The following FLNC variants were observed in gnomAD, a reference collection of about 807,000 sequenced individuals.
FLNC encodes filamin C, also known as filamin-C.
FLNC carries 91 observed loss-of-function variants against 254.3 expected under a neutral mutation model. The ratio of observed to expected loss-of-function variants is 0.36; its 90% CI spans 0.30 to 0.43. The LOEUF is 0.43. Ranked by LOEUF, FLNC falls within the 20% of genes least tolerant of loss-of-function variation. The pLI is 1.00. For synonymous variants in FLNC, 1,430 were observed against 1,577.2 expected, an observed-to-expected ratio of 0.91 and a Z score of 2.21; for missense variants, 2,853 against 3,802.6, an observed-to-expected ratio of 0.75 and a Z score of 6.57.
At position 128,840,950 on chromosome 7, in the gene FLNC, G is replaced by A; in HGVS notation, c.1793G>A (p.Gly598Asp). 6.2e-7 allele frequency: 1 copy of A among 1,601,326 alleles called. No homozygotes were observed. Among genetic ancestry groups the A allele is most frequent in the East Asian group, 2.3e-5 (1 of 44,218 alleles). Residue 598 changes from glycine (G) to aspartate (D), a missense_variant, in exon 11 of 48, where the codon GGC becomes GAC. Physicochemically the swap from Gly to Asp is moderately conservative, Grantham distance 94 (BLOSUM62 -1). Transcript: ENST00000325888. Reference protein sequence around the residue: ...KSADFVVEAIGTEVGTLGFSI... With the variant: ...KSADFVVEAIDTEVGTLGFSI... ...GCCGATTTTGTGGTGGAAGCCATTG[G>A]CACCGAGGTGGGGACACTGGGTAAG...
intron 21 of FLNC, 133 bp from the exon 22 acceptor site, chr7:128,845,857 G>A: frequency 1.3e-6 from 1 of 793,088 alleles, no homozygotes; most frequent in Non-Finnish European, 2.1e-6. Context: ...AGGAGGGGGA[G>A]AGGAGGGTGA....
chr7:128,840,519 T>C, intron 9 of FLNC, 29 bp from the exon 10 acceptor site: 26 of 1,614,070 alleles, frequency 1.6e-5, no homozygotes, highest in Non-Finnish European at 2.2e-5. Flanking sequence ...TGATCTGCCT[T>C]CTTCCCCACC....
In FLNC at chr7:128,838,079, G is replaced by A. The variant is rs767191424; in HGVS notation, c.1047+15G>A. On this transcript the variant is annotated intron_variant, in intron 6 of 47. Transcript: ENST00000325888. ...GGTTACACAAGGTATCTCCCTCTAGGCCCCCCTGCCTGCGCTGCTCTTCAC... is the reference window on the plus strand; with the variant it reads ...GGTTACACAAGGTATCTCCCTCTAGACCCCCCTGCCTGCGCTGCTCTTCAC... The A allele has an allele frequency of 1.2e-6, 2 of 1,605,810 alleles. No homozygotes were observed. The highest frequency in any genetic ancestry group is 2.7e-5 in the African/African-American group (2 of 74,594).
At chr7:128,840,215 T>C in intron 9 of FLNC, 55 bp downstream of exon 9, 1 of 1,601,672 alleles carries the variant, frequency 6.2e-7, no homozygotes, top group Non-Finnish European at 8.5e-7. Context: ...ATAAGGGAAG[T>C]ATGGCCAGTG....
intron 42 of FLNC, 107 bp downstream of exon 42, chr7:128,855,019 C>T (rs992728979): frequency 4.5e-5 from 57 of 1,276,232 alleles, no homozygotes; most frequent in African/African-American, 5.9e-5. Context: ...CTCCCCTCCC[C>T]GGAGCCCCCT....
chr7:128,842,610 A>G lies in FLNC; in HGVS notation c.2301A>G (p.Val767=). The G allele has an allele frequency of 6.5e-7, 1 of 1,550,154 alleles. No individual in the cohort carries two copies. Among genetic ancestry groups the G allele is most frequent in the Middle Eastern group, 2.0e-4 (1 of 5,078 alleles). ...NVGEGSHPER[V]KVYGPGVEKT... ...GCGAGGGCAGCCACCCCGAGCGGGTAAAGGTGTACGGCCCCGGAGTGGAGA... is the reference window on the plus strand; with the variant it reads ...GCGAGGGCAGCCACCCCGAGCGGGTGAAGGTGTACGGCCCCGGAGTGGAGA... The change falls in exon 15 of 48, where the codon GTA becomes GTG. Residue 767 remains valine, a synonymous_variant. Transcript: ENST00000325888. The surrounding 1 kb of genome is among the most constrained non-coding windows in gnomAD (Gnocchi z 5.4).
In FLNC at chr7:128,841,130, C is replaced by G. The variant is rs771186150; in HGVS notation, c.1814-40C>G. On this transcript the variant is annotated intron_variant, in intron 11 of 47. Coordinates refer to ENST00000325888, the MANE Select transcript of FLNC (RefSeq NM_001458.5). This position sits in a 1 kb window ranked among gnomAD's most constrained non-coding sequence, Gnocchi z 4.3. Reference sequence around the variant, plus strand: ...GGAGCTGGGGGACGGAAGGGTCTTGCCTGATGCTGGATCCCCGACCCTCCC... The same window carrying G: ...GGAGCTGGGGGACGGAAGGGTCTTGGCTGATGCTGGATCCCCGACCCTCCC... The G allele has an allele frequency of 3.6e-5, 58 of 1,605,666 alleles. No individual in the cohort carries two copies. Among genetic ancestry groups the G allele is most frequent in the Non-Finnish European group, 4.8e-5 (56 of 1,174,816 alleles).
intron 8 of FLNC, among the ~76,000 whole-genome samples, chr7:128,839,229 C>T (rs973560410): frequency 6.6e-6 from 1 of 152,226 alleles, no homozygotes; most frequent in African/African-American, 2.4e-5. Context: ...TGGCCCGGGC[C>T]GTGTGGAATC....
At chr7:128,848,766 G>A (rs368595084) in intron 27 of FLNC, 27 bp from the exon 28 acceptor site, 19 of 1,613,994 alleles carry the variant, frequency 1.2e-5, no homozygotes, top group Non-Finnish European at 1.4e-5. Context: ...AGGCACAGGC[G>A]GGCCTTGACC....
intron 30 of FLNC, 45 bp downstream of exon 30, chr7:128,849,623 G>T (rs776531308): frequency 1.2e-6 from 2 of 1,605,034 alleles, no homozygotes; most frequent in South Asian, 1.1e-5. Flanking sequence ...GGGGAGGGGG[G>T]CCTGGCCCTT....
rs370745643 is a variant in FLNC at position 128,853,648 on chromosome 7, C to T, written c.6361+27C>T. 1.1e-4 allele frequency: 170 copies of T among 1,614,028 alleles called. 1 individual carries two copies. In the African/African-American group the frequency reaches 1.9e-3, roughly 18 times the overall value. ...TAAGGCTCTGGGCAGAGGTCGGTGG[C>T]GAGAGACAGGGAGGCCAGGAGGCTG... On this transcript the variant is annotated intron_variant, in intron 38 of 47. Coordinates refer to ENST00000325888, the MANE Select transcript of FLNC (RefSeq NM_001458.5).
At position 128,844,212 on chromosome 7, in the gene FLNC, G is replaced by T; in HGVS notation, c.3138G>T (p.Pro1046=). The T allele has an allele frequency of 6.2e-7, 1 of 1,612,202 alleles. No individual in the cohort carries two copies. Among genetic ancestry groups the T allele is most frequent in the South Asian group, 1.1e-5 (1 of 90,966 alleles). ...YKVDITYDGH[P]VPGSPFAVEG... Reference sequence around the variant, plus strand: ...TGGATATCACCTACGATGGTCACCCGGTGCCTGGCAGCCCGTTTGCTGTGG... The same window carrying T: ...TGGATATCACCTACGATGGTCACCCTGTGCCTGGCAGCCCGTTTGCTGTGG... The change falls in exon 20 of 48, where the codon CCG becomes CCT. Residue 1046 remains proline (P), a synonymous_variant. Coordinates refer to ENST00000325888, the MANE Select transcript of FLNC (RefSeq NM_001458.5).
intron 1 of FLNC, among the ~76,000 whole-genome samples, chr7:128,832,229 C>T (rs1455287298): frequency 2.6e-5 from 4 of 152,168 alleles, no homozygotes; most frequent in Non-Finnish European, 5.9e-5. Flanking sequence ...CCCCCCCACC[C>T]CACCCGCCTG....
In FLNC at chr7:128,844,580, G is replaced by T. The variant is rs530822875; in HGVS notation, c.3193-78G>T. On this transcript the variant is annotated intron_variant, in intron 20 of 47. Transcript: ENST00000325888. ...CACAGTAGCAGCCACAGTTGGAGGT[G>T]ATGAGTTGGGTGGGGGCCATGAAGG... is the stretch of plus-strand genomic sequence containing the variant. 8.4e-6 allele frequency: 11 copies of T among 1,309,694 alleles called. No homozygotes were observed. The South Asian group carries it at 1.1e-4, about 13-fold the overall frequency. The allele number at this position is 1,309,694 out of a possible 1,614,324, so 81.1% of individuals were successfully genotyped here.
rs1366093926 is a variant in FLNC, at chr7:128,853,477, G to A, written c.6217G>A (p.Gly2073Ser). Reference sequence around the variant, plus strand: ...TCCTTGCTTTCCCCCAGGTTATGGGGGCTTGGGGCTGAGTATTGAAGGCCC... The same window carrying A: ...TCCTTGCTTTCCCCCAGGTTATGGGAGCTTGGGGCTGAGTATTGAAGGCCC... ...IVDTRNAGYGGLGLSIEGPSK... is the reference protein window; with the variant it reads ...IVDTRNAGYGSLGLSIEGPSK... The change falls in exon 38 of 48, where the codon GGC (glycine) becomes AGC (serine). Residue 2073 changes from glycine to serine, a missense_variant. By Grantham distance (56) the Gly-to-Ser change is moderately conservative. Coordinates refer to ENST00000325888, the MANE Select transcript of FLNC (RefSeq NM_001458.5). The A allele has an allele frequency of 6.2e-7, 1 of 1,613,978 alleles. No homozygotes were observed. The highest frequency in any genetic ancestry group is 8.5e-7 in the Non-Finnish European group (1 of 1,180,008).
In FLNC at chr7:128,843,770, T is replaced by C. The variant is rs1211344281; in HGVS notation, c.2812-26T>C. 3 of 1,603,174 alleles carry C rather than the reference T, an allele frequency of 1.9e-6. No homozygotes were observed. The Admixed American group carries it at 5.0e-5, about 27-fold the overall frequency. Reference sequence around the variant, plus strand: ...TTGTAGGACCTTGCCTTATATCCAGTTCTGACCTACCATTGTACCCAACAG... The same window carrying C: ...TTGTAGGACCTTGCCTTATATCCAGCTCTGACCTACCATTGTACCCAACAG... On this transcript the variant is annotated intron_variant, in intron 18 of 47. Transcript: ENST00000325888.
Position 128,858,597 on chromosome 7 carries a change from AC to A in FLNC, c.*75del. 2 of 1,044,360 alleles carry A rather than the reference AC, an allele frequency of 1.9e-6. No homozygotes were observed. The highest frequency in any genetic ancestry group is 2.9e-6 in the Non-Finnish European group (2 of 679,104). The allele number at this position is 1,044,360 out of a possible 1,614,324, so 64.7% of individuals were successfully genotyped here. ...ACATTACACACACACACACACACAC[AC>A]AAATGTGCCACACCCAGACACGCAC... On this transcript the variant is annotated 3_prime_UTR_variant, in exon 48 of 48. Transcript: ENST00000325888. The surrounding 1 kb of genome is among the most constrained non-coding windows in gnomAD (Gnocchi z 6.7).
rs766859594 is a variant in FLNC at position 128,841,451 on chromosome 7, C to T, written c.2008-3C>T. 2.5e-6 allele frequency: 4 copies of T among 1,613,668 alleles called. No individual in the cohort carries two copies. Among genetic ancestry groups the T allele is most frequent in the Admixed American group, 3.3e-5 (2 of 60,036 alleles). On this transcript the variant is annotated splice_polypyrimidine_tract_variant and splice_region_variant and intron_variant, in intron 12 of 47. Coordinates refer to ENST00000325888, the MANE Select transcript of FLNC (RefSeq NM_001458.5). This position sits in a 1 kb window ranked among gnomAD's most constrained non-coding sequence, Gnocchi z 4.3. ...CCAACTCAGCCTTCTTCCCTCCGCA[C>T]AGGTGAAGGCCTTTGGGCCTGGCCT...
At position 128,842,300 on chromosome 7, in the gene FLNC, G is replaced by C; in HGVS notation, c.2191G>C (p.Val731Leu). The C allele has an allele frequency of 1.2e-6, 2 of 1,613,860 alleles. 1 individual carries two copies. The highest frequency in any genetic ancestry group is 2.2e-5 in the South Asian group (2 of 91,088). ...NGDGTFRCSY[V>L]PTKPIKHTII... ...CGACGGCACCTTCCGCTGCTCCTAC[G>C]TGCCCACCAAGCCCATTAAGCACAC... Residue 731 changes from valine (V) to leucine (L), a missense_variant, in exon 14 of 48, where the codon GTG becomes CTG. Val to Leu is a conservative substitution (Grantham distance 32, BLOSUM62 1). Coordinates refer to ENST00000325888, the MANE Select transcript of FLNC (RefSeq NM_001458.5). The surrounding 1 kb of genome is among the most constrained non-coding windows in gnomAD (Gnocchi z 5.4).
Sources: gnomAD v4.1 joint callset for allele counts (sites outside exome capture counted in the v4.1 genomes callset) on GRCh38, gnomAD v4.1.1 for gene constraint, Gnocchi (gnomAD v3.1) non-coding constraint, MANE v1.5 for transcripts, NCBI Gene and HGNC (gene_info 2026-07-23, HGNC 2026-07-21) for gene names.